The following EGFLAM variants were observed in gnomAD, a reference collection of about 807,000 sequenced individuals.
EGFLAM encodes EGF like, fibronectin type III and laminin G domains, also known as pikachurin.
EGFLAM carries 79 observed loss-of-function variants against 113.1 expected under a neutral mutation model. The observed-to-expected ratio is 0.70, with a 90% CI of 0.58 to 0.84. The LOEUF (loss-of-function observed/expected upper bound fraction) is 0.84, where lower values mean the gene tolerates loss of function less well. Among genes scored for constraint, EGFLAM ranks in the 40% least tolerant of loss-of-function variants. EGFLAM has a pLI of 0.00. For synonymous variants in EGFLAM, 504 were observed against 487.6 expected (o/e 1.03, Z -0.44); for missense variants, 1,265 against 1,291.6 (o/e 0.98, Z 0.32).
chr5:38,458,788 C>T (rs1015424501), intron 20 of EGFLAM, among the ~76,000 whole-genome samples: 1 of 152,040 alleles, frequency 6.6e-6, no homozygotes, highest in Non-Finnish European at 1.5e-5. Flanking sequence ...TGAAACCAGC[C>T]TGAGTTACAT....
chr5:38,318,861 A>G (rs930448358), intron 1 of EGFLAM, among the ~76,000 whole-genome samples: 3 of 152,130 alleles, frequency 2.0e-5, no homozygotes, highest in African/African-American at 7.2e-5. Flanking sequence ...CGTGGTCACA[A>G]TAACTCGAAA....
At chr5:38,449,140 G>A (rs1742822057) in intron 18 of EGFLAM, among the ~76,000 whole-genome samples, 1 of 152,104 alleles carries the variant, frequency 6.6e-6, no homozygotes, top group Non-Finnish European at 1.5e-5. Flanking sequence ...GTGGTTTCTA[G>A]TGTGCTATTC....
intron 17 of EGFLAM, among the ~76,000 whole-genome samples, chr5:38,443,109 T>C (rs2731971): frequency 0.023 from 3,537 of 151,840 alleles, 123 homozygotes; most frequent in African/African-American, 0.082. Flanking sequence ...CTACTAAAAA[T>C]GCAAAAATTA....
At chr5:38,370,517 T>C (rs1740181593) in intron 6 of EGFLAM, 55 bp downstream of exon 6, 1 of 1,564,912 alleles carries the variant, frequency 6.4e-7, no homozygotes, top group South Asian at 1.2e-5. Flanking sequence ...TGGGCTTGCC[T>C]CATGAAGACT....
At chr5:38,437,418 T>C (rs557973389) in intron 16 of EGFLAM, among the ~76,000 whole-genome samples, 4 of 152,300 alleles carry the variant, frequency 2.6e-5, no homozygotes, top group Admixed American at 1.3e-4. Context: ...GAAGTGTCTC[T>C]GGATTCCACA....
chr5:38,435,886 C>T (rs527581865), intron 16 of EGFLAM, among the ~76,000 whole-genome samples: 79 of 138,510 alleles, frequency 5.7e-4, no homozygotes, highest in African/African-American at 2.1e-3. Context: ...GGCGTGATCT[C>T]GGCTCACTGC....
intron 6 of EGFLAM, among the ~76,000 whole-genome samples, chr5:38,381,461 A>G (rs1740510924): frequency 6.6e-6 from 1 of 152,224 alleles, no homozygotes. Flanking sequence ...ATAAATGAGA[A>G]GCAACTGCAG....
At chr5:38,422,337 G>A (rs915434811) in intron 12 of EGFLAM, among the ~76,000 whole-genome samples, 6 of 152,068 alleles carry the variant, frequency 3.9e-5, no homozygotes, top group African/African-American at 1.4e-4. Flanking sequence ...TGAGTTAAGA[G>A]TTTTCCCCCT....
intron 3 of EGFLAM, among the ~76,000 whole-genome samples, chr5:38,347,034 A>T (rs1385809195): frequency 6.6e-6 from 1 of 152,154 alleles, no homozygotes; most frequent in African/African-American, 2.4e-5. Flanking sequence ...TTGGGCACCA[A>T]GGTGGAAATG....
intron 1 of EGFLAM, among the ~76,000 whole-genome samples, chr5:38,307,534 C>A (rs999238477): frequency 7.9e-5 from 12 of 152,202 alleles, no homozygotes; most frequent in Non-Finnish European, 1.6e-4. Context: ...TTCAGGCCTG[C>A]GGAACTGTGA....
intron 3 of EGFLAM, among the ~76,000 whole-genome samples, chr5:38,343,216 C>T (rs1192808787): frequency 1.3e-5 from 2 of 151,922 alleles, no homozygotes; most frequent in African/African-American, 4.8e-5. Context: ...CCAGCCTGGC[C>T]AACATAGTGA....
chr5:38,332,796 T>C (rs563951058), intron 1 of EGFLAM, among the ~76,000 whole-genome samples: 1 of 152,352 alleles, frequency 6.6e-6, no homozygotes, highest in South Asian at 2.1e-4. Context: ...CAGGAGTGCC[T>C]TTAAGCGGTT....
In EGFLAM at chr5:38,448,342, AG is replaced by A. The variant is rs781628280; in HGVS notation, c.2507del (p.Ser836IlefsTer3). 6.2e-7 allele frequency: 1 copy of A among 1,614,164 alleles called. No homozygotes were observed. Among genetic ancestry groups the A allele is most frequent in the East Asian group, 2.2e-5 (1 of 44,882 alleles). The stretch of plus-strand genomic sequence containing the variant: ...TGAGATCCCGCAGTTTATCGGCCGC[AG>A]TTACCTGACGTATGACAACCCAGAT... The part of the protein sequence containing the change: ...AIEIPQFIGR[S>X]YLTYDNPDIL... On this transcript the variant is annotated frameshift_variant, in exon 18 of 22. Transcript: ENST00000322350. LOFTEE classifies it high-confidence loss of function.
intron 1 of EGFLAM, among the ~76,000 whole-genome samples, chr5:38,290,186 G>T (rs1561265076): frequency 6.6e-6 from 1 of 152,194 alleles, no homozygotes; most frequent in Admixed American, 6.5e-5. Flanking sequence ...ACTGTGAGCA[G>T]CTGGGGCTCA....
At chr5:38,374,638 G>T (rs1416561288) in intron 6 of EGFLAM, among the ~76,000 whole-genome samples, 1 of 152,192 alleles carries the variant, frequency 6.6e-6, no homozygotes, top group East Asian at 1.9e-4. Context: ...AGAGCCAGAG[G>T]CTGCATGATT....
At chr5:38,272,772 G>C (rs533244207) in intron 1 of EGFLAM, among the ~76,000 whole-genome samples, 59 of 152,102 alleles carry the variant, frequency 3.9e-4, no homozygotes, top group African/African-American at 1.2e-3. Flanking sequence ...GTGTGTGTGT[G>C]TGTGTCTGTG....
At chr5:38,281,070 T>G (rs187438097) in intron 1 of EGFLAM, among the ~76,000 whole-genome samples, 1 of 152,286 alleles carries the variant, frequency 6.6e-6, no homozygotes. Context: ...GAGAAATGAT[T>G]GCAGTGGTTT....
At chr5:38,442,504 A>G (rs1017028195) in intron 17 of EGFLAM, among the ~76,000 whole-genome samples, 1 of 151,418 alleles carries the variant, frequency 6.6e-6, no homozygotes, top group Non-Finnish European at 1.5e-5. Flanking sequence ...AGGTTATTTA[A>G]TTATTGTTAC....
intron 6 of EGFLAM, 132 bp downstream of exon 6, chr5:38,370,594 G>A: frequency 3.4e-6 from 4 of 1,183,668 alleles, no homozygotes; most frequent in Non-Finnish European, 4.6e-6. Flanking sequence ...TTCCTCCTGT[G>A]GTTTTCCCAG....
Sources: allele counts gnomAD v4.1 joint callset (sites outside exome capture counted in the v4.1 genomes callset), GRCh38; gene constraint gnomAD v4.1.1; transcripts MANE v1.5; gene names NCBI Gene and HGNC (gene_info 2026-07-23, HGNC 2026-07-21).